Variants in FBXO25 observed in about 807,000 individuals in gnomAD.
FBXO25 encodes F-box protein 25.
In FBXO25, 45 loss-of-function variants were observed where a neutral mutation model predicts 51.9. The ratio of observed to expected loss-of-function variants is 0.87; its 90% CI spans 0.68 to 1.11. The LOEUF (loss-of-function observed/expected upper bound fraction) is 1.11, where lower values mean the gene tolerates loss of function less well. FBXO25 is among the 50% of genes most tolerant of loss of function. FBXO25 has a pLI of 0.00. For synonymous variants in FBXO25, 199 were observed against 151.0 expected (o/e 1.32, Z -2.33); for missense variants, 507 against 428.5 (o/e 1.18, Z -1.62).
chr8:453,698 C>G (rs538797631), intron 7 of FBXO25, among the ~76,000 whole-genome samples: 7 of 152,218 alleles, frequency 4.6e-5, no homozygotes, highest in African/African-American at 1.4e-4. Flanking sequence ...AGAGCCTTCC[C>G]GGATCCCTGA....
At chr8:434,705 T>G (rs769710108) in intron 4 of FBXO25, among the ~76,000 whole-genome samples, 1 of 152,166 alleles carries the variant, frequency 6.6e-6, no homozygotes, top group Non-Finnish European at 1.5e-5. Flanking sequence ...AACTTTGACA[T>G]GAAAATCTGT....
chr8:465,090 C>A (rs180853036), intron 9 of FBXO25, among the ~76,000 whole-genome samples: 28 of 152,236 alleles, frequency 1.8e-4, no homozygotes, highest in African/African-American at 6.5e-4. Flanking sequence ...GAGTTGTCTG[C>A]AGTAGAAGCC....
At chr8:448,674 G>C (rs1431793393) in intron 5 of FBXO25, among the ~76,000 whole-genome samples, 1 of 152,248 alleles carries the variant, frequency 6.6e-6, no homozygotes, top group East Asian at 1.9e-4. Context: ...CAGAGTGTGA[G>C]TGGAGGGCAG....
chr8:439,599 C>A (rs1037059644), intron 5 of FBXO25, among the ~76,000 whole-genome samples: 15 of 152,150 alleles, frequency 9.9e-5, no homozygotes, highest in Admixed American at 3.3e-4. Context: ...TTTATGTTTT[C>A]ATTTGCTTTA....
intron 1 of FBXO25, among the ~76,000 whole-genome samples, chr8:408,049 C>G (rs913576178): frequency 6.6e-6 from 1 of 152,208 alleles, no homozygotes; most frequent in African/African-American, 2.4e-5. Context: ...TTCTCCTCGT[C>G]TTTACGTGTT....
At chr8:415,093 A>G (rs1200830090) in intron 2 of FBXO25, among the ~76,000 whole-genome samples, 1 of 152,244 alleles carries the variant, frequency 6.6e-6, no homozygotes, top group African/African-American at 2.4e-5. Context: ...ATCACTATAT[A>G]AATGGCCTTC....
intron 1 of FBXO25, among the ~76,000 whole-genome samples, chr8:408,582 T>G (rs559555106): frequency 6.6e-6 from 1 of 152,372 alleles, no homozygotes; most frequent in African/African-American, 2.4e-5. Context: ...ATATGTAGAT[T>G]GTTTAGAGTA....
At chr8:414,397 C>T (rs1348392737) in intron 2 of FBXO25, among the ~76,000 whole-genome samples, 1 of 151,992 alleles carries the variant, frequency 6.6e-6, no homozygotes, top group Non-Finnish European at 1.5e-5. Context: ...TCAGGTGTCT[C>T]ACATTTACTC....
At chr8:467,630 A>T (rs770216552) in intron 9 of FBXO25, 19 of 1,290,746 alleles carry the variant, frequency 1.5e-5, no homozygotes, top group Non-Finnish European at 2.1e-5. Flanking sequence ...GAATGCTTAG[A>T]TACACTCTGG....
Position 463,164 on chromosome 8 carries a change from T to C in FBXO25, c.987+14T>C. ...CTCTTTTGGAAGGTACTGATTTAAA[T>C]GCACTCTTGGAATTTCAGGATTAAA... On this transcript the variant is annotated intron_variant, in intron 9 of 9. Transcript: ENST00000350302. 2.5e-6 allele frequency: 4 copies of C among 1,606,648 alleles called. No individual in the cohort carries two copies.
chr8:425,783 A>C lies in FBXO25; in HGVS notation c.135-5558A>C, dbSNP rs574040730. ...GTGAGCCAATCCAAGACTGTTTTCC[A>C]TTTAATAGGTGAGCCAAGTCCATTT... On this transcript the variant is annotated intron_variant, in intron 2 of 9. Coordinates refer to ENST00000350302, the MANE Select transcript of FBXO25 (RefSeq NM_183420.2). Among the ~76,000 whole-genome samples, 14 of 151,734 alleles carry C rather than the reference A, an allele frequency of 9.2e-5. No individual in the cohort carries two copies. The South Asian group carries it at 1.2e-3, about 14-fold the overall frequency.
At chr8:421,345 T>C (rs1797142090) in intron 2 of FBXO25, among the ~76,000 whole-genome samples, 1 of 152,226 alleles carries the variant, frequency 6.6e-6, no homozygotes, top group Admixed American at 6.5e-5. Context: ...GGTTAGGGAA[T>C]GCTGCCATAA....
rs894918648 is a variant in FBXO25, at chr8:472,076, T to C, written c.*3272T>C. 6 of 152,326 alleles carry C rather than the reference T, an allele frequency of 3.9e-5. No individual in the cohort carries two copies. The highest frequency in any genetic ancestry group is 3.4e-3 in the Middle Eastern group (1 of 294). 9.4% of individuals were successfully genotyped at this position (152,326 alleles called of 1,614,324 possible). On this transcript the variant is annotated 3_prime_UTR_variant, in exon 10 of 10. Coordinates refer to ENST00000350302, the MANE Select transcript of FBXO25 (RefSeq NM_183420.2). ...ATGTCCTTTATTCTTTCTTACCCCGTTTCGCTGGCTAGAATCTCTAGTACA... is the reference window on the plus strand; with the variant it reads ...ATGTCCTTTATTCTTTCTTACCCCGCTTCGCTGGCTAGAATCTCTAGTACA...
In FBXO25 at chr8:473,985, T is replaced by G. The variant is rs1800565303; in HGVS notation, c.*5181T>G. 2 of 152,168 alleles carry G rather than the reference T, an allele frequency of 1.3e-5. No homozygotes were observed. The highest frequency in any genetic ancestry group is 4.2e-4 in the South Asian group (2 of 4,816). 9.4% of individuals were successfully genotyped at this position (152,168 alleles called of 1,614,324 possible). A position where few individuals can be genotyped will look rare whatever the true frequency, so the allele number is the denominator to read the frequency against. Reference sequence around the variant, plus strand: ...ATCTTACCTATTTTAAGTGTGCAATTTAGTGGCATTAAATACATTCATACT... The same window carrying G: ...ATCTTACCTATTTTAAGTGTGCAATGTAGTGGCATTAAATACATTCATACT... On this transcript the variant is annotated 3_prime_UTR_variant, in exon 10 of 10. Coordinates refer to ENST00000350302, the MANE Select transcript of FBXO25 (RefSeq NM_183420.2).
chr8:429,558 T>C (rs550857077), intron 2 of FBXO25, among the ~76,000 whole-genome samples: 19 of 152,350 alleles, frequency 1.2e-4, no homozygotes, highest in Admixed American at 3.9e-4. Flanking sequence ...ACTCCTTTAT[T>C]AACATTTTAA....
intron 7 of FBXO25, among the ~76,000 whole-genome samples, chr8:457,459 G>C (rs903375760): frequency 6.6e-6 from 1 of 152,194 alleles, no homozygotes; most frequent in Non-Finnish European, 1.5e-5. Context: ...TCTGAGGGCA[G>C]ATGCATTGCA....
At chr8:454,291 G>T (rs1188572749) in intron 7 of FBXO25, among the ~76,000 whole-genome samples, 1 of 152,220 alleles carries the variant, frequency 6.6e-6, no homozygotes, top group Non-Finnish European at 1.5e-5. Flanking sequence ...AGATATGGCA[G>T]TGCTAATGAA....
At chr8:459,839 G>A (rs1265919610) in intron 8 of FBXO25, among the ~76,000 whole-genome samples, 1 of 152,184 alleles carries the variant, frequency 6.6e-6, no homozygotes, top group African/African-American at 2.4e-5. Flanking sequence ...AACCTGGGGG[G>A]AGCTGGACTC....
At chr8:413,819 G>A (rs1008770473) in intron 2 of FBXO25, among the ~76,000 whole-genome samples, 2 of 152,226 alleles carry the variant, frequency 1.3e-5, no homozygotes, top group Non-Finnish European at 2.9e-5. Flanking sequence ...TTGTTGGCTA[G>A]AGCACTAGCG....
Sources: gnomAD v4.1 joint callset for allele counts (sites outside exome capture counted in the v4.1 genomes callset) on GRCh38, gnomAD v4.1.1 for gene constraint, MANE v1.5 for transcripts, NCBI Gene and HGNC (gene_info 2026-07-23, HGNC 2026-07-21) for gene names.